Variants in RPRD1B observed in about 807,000 individuals in gnomAD.
RPRD1B encodes the protein regulation of nuclear pre-mRNA domain containing 1B.
In RPRD1B, 11 loss-of-function variants were observed where a neutral mutation model predicts 41.5. The observed-to-expected ratio is 0.27, with a 90% CI of 0.17 to 0.44. The LOEUF (loss-of-function observed/expected upper bound fraction) is 0.44, where lower values mean the gene tolerates loss of function less well. Among genes scored for constraint, RPRD1B ranks in the 20% least tolerant of loss-of-function variants. The pLI is 1.00. For missense variants in RPRD1B, 248 were observed against 389.9 expected (o/e 0.64, Z 3.06); for synonymous variants, 158 against 155.6 (o/e 1.02, Z -0.12).
Position 38,059,411 on chromosome 20 carries a change from A to C in RPRD1B, c.546A>C (p.Lys182Asn). The change falls in exon 5 of 7, where the codon AAA becomes AAC. Residue 182 changes from lysine (K) to asparagine (N), a missense_variant. Lys to Asn is a moderately conservative substitution (Grantham distance 94). Transcript: ENST00000373433. The part of the protein sequence containing the change: ...AGPLLTEELI[K>N]ALQDLENAAS... ...TCTTACAGACTGAGGAACTAATCAA[A>C]GCTTTGCAGGATCTGGAAAATGCCG... 1 of 1,613,320 alleles carries C rather than the reference A, an allele frequency of 6.2e-7. No individual in the cohort carries two copies.
chr20:38,041,773 A>T (rs1198777130), intron 2 of RPRD1B, among the ~76,000 whole-genome samples: 3 of 152,174 alleles, frequency 2.0e-5, no homozygotes, highest in Admixed American at 2.0e-4. Flanking sequence ...CTAAAGGGGG[A>T]GGATACCACT....
At chr20:38,040,251 T>C (rs1311432957) in intron 1 of RPRD1B, among the ~76,000 whole-genome samples, 184 bp from the exon 2 acceptor site, 2 of 151,990 alleles carry the variant, frequency 1.3e-5, no homozygotes, top group Admixed American at 1.3e-4. Context: ...CTTTTTCTTT[T>C]TTTTTTTTCC....
In RPRD1B at chr20:38,033,809, C is replaced by G. The variant is rs537945243; in HGVS notation, c.-139C>G. 9 of 825,784 alleles carry G rather than the reference C, an allele frequency of 1.1e-5. No homozygotes were observed. The highest frequency in any genetic ancestry group is 2.8e-5 in the East Asian group (1 of 35,112). 51.2% of individuals were successfully genotyped at this position (825,784 alleles called of 1,614,324 possible). Reference sequence around the variant, plus strand: ...TTACTGCGGAGACCCATCCCCTCCCCCTTCTCGCACCCCTGGCAGTCTGTC... The same window carrying G: ...TTACTGCGGAGACCCATCCCCTCCCGCTTCTCGCACCCCTGGCAGTCTGTC... On this transcript the variant is annotated 5_prime_UTR_variant, in exon 1 of 7. Coordinates refer to ENST00000373433, the MANE Select transcript of RPRD1B (RefSeq NM_021215.4).
chr20:38,048,156 C>T lies in RPRD1B; in HGVS notation c.282-192C>T, dbSNP rs558948391. ...TTTGATTTCAATTATGGCATGATCC[C>T]TCCCACTGCACGAAGAATGTAGTTT... On this transcript the variant is annotated intron_variant, in intron 2 of 6. Coordinates refer to ENST00000373433, the MANE Select transcript of RPRD1B (RefSeq NM_021215.4). Among the ~76,000 whole-genome samples the T allele has an allele frequency of 2.0e-5, 3 of 152,282 alleles. No homozygotes were observed. In the East Asian group the frequency reaches 5.8e-4, roughly 29 times the overall value.
intron 2 of RPRD1B, among the ~76,000 whole-genome samples, chr20:38,041,372 C>A (rs1185575083): frequency 6.6e-6 from 1 of 151,908 alleles, no homozygotes; most frequent in Non-Finnish European, 1.5e-5. Flanking sequence ...TAGTGAAAGG[C>A]CTTAAATGAG....
chr20:38,054,618 C>A (rs1469412358), intron 3 of RPRD1B, among the ~76,000 whole-genome samples: 1 of 152,142 alleles, frequency 6.6e-6, no homozygotes, highest in Non-Finnish European at 1.5e-5. Flanking sequence ...ATGGGTCTGT[C>A]TAAGTCCTCC....
chr20:38,065,975 ACT>A (rs2074350227), intron 5 of RPRD1B, 104 bp from the exon 6 acceptor site: 1 of 1,102,822 alleles, frequency 9.1e-7, no homozygotes, highest in Non-Finnish European at 1.3e-6. Flanking sequence ...TTATTCTCAG[ACT>A]CTGTATATTG....
intron 6 of RPRD1B, among the ~76,000 whole-genome samples, chr20:38,073,414 C>T (rs765453875): frequency 2.6e-5 from 4 of 152,162 alleles, no homozygotes; most frequent in Non-Finnish European, 4.4e-5. Flanking sequence ...GGAGTAGAGC[C>T]TCTGACTTCA....
chr20:38,059,927 C>G (rs2074281023), intron 5 of RPRD1B, among the ~76,000 whole-genome samples: 1 of 152,058 alleles, frequency 6.6e-6, no homozygotes, highest in Admixed American at 6.5e-5. Flanking sequence ...CTGACAAGCC[C>G]CGTAGATGAT....
chr20:38,055,195 AATAGTT>A (rs1249582765), intron 3 of RPRD1B, among the ~76,000 whole-genome samples: 3 of 152,238 alleles, frequency 2.0e-5, no homozygotes, highest in African/African-American at 7.2e-5. Context: ...ATAATAAACT[AATAGTT>A]ATTTAATATG....
At chr20:38,073,077 T>C (rs2074427251) in intron 6 of RPRD1B, among the ~76,000 whole-genome samples, 1 of 152,236 alleles carries the variant, frequency 6.6e-6, no homozygotes, top group Non-Finnish European at 1.5e-5. Flanking sequence ...ATTTGTACTT[T>C]TGTTTTGATT....
Position 38,066,179 on chromosome 20 carries a change from C to T in RPRD1B, c.754C>T (p.Arg252Cys), listed in dbSNP as rs746794689. 1.2e-6 allele frequency: 2 copies of T among 1,614,172 alleles called. No homozygotes were observed. Among genetic ancestry groups the T allele is most frequent in the Non-Finnish European group, 1.7e-6 (2 of 1,180,040 alleles). The change falls in exon 6 of 7, where the codon CGC becomes TGC. Residue 252 changes from arginine to cysteine, a missense_variant. By Grantham distance (180) the Arg-to-Cys change is radical. Transcript: ENST00000373433. Reference sequence around the variant, plus strand: ...CCTGGCAGCAGAACTGGAGGACCGTCGCCAGCTGGCTCGGATGTTGGTGGA... The same window carrying T: ...CCTGGCAGCAGAACTGGAGGACCGTTGCCAGCTGGCTCGGATGTTGGTGGA... ...GRLAAELEDRRQLARMLVEYT... is the reference protein window; with the variant it reads ...GRLAAELEDRCQLARMLVEYT...
chr20:38,042,814 G>A (rs1372523598), intron 2 of RPRD1B, among the ~76,000 whole-genome samples: 1 of 152,090 alleles, frequency 6.6e-6, no homozygotes, highest in African/African-American at 2.4e-5. Context: ...CTAAATTGAT[G>A]AGGGATATTT....
Position 38,079,549 on chromosome 20 carries a change from G to A in RPRD1B, c.832-10177G>A, listed in dbSNP as rs184706825. On this transcript the variant is annotated intron_variant, in intron 6 of 6. Coordinates refer to ENST00000373433, the MANE Select transcript of RPRD1B (RefSeq NM_021215.4). ...CCTCATCCATGTTGCTGCAGAGGACGTGATCTCATTCTTTTTTATGGCTGC... is the reference window on the plus strand; with the variant it reads ...CCTCATCCATGTTGCTGCAGAGGACATGATCTCATTCTTTTTTATGGCTGC... 1.4e-3 allele frequency among the ~76,000 whole-genome samples: 211 copies of A among 152,198 alleles called. 1 individual carries two copies. The highest frequency in any genetic ancestry group is 1.9e-3 in the Non-Finnish European group (130 of 67,992).
At chr20:38,058,657 C>T (rs1465362345) in intron 4 of RPRD1B, among the ~76,000 whole-genome samples, 1 of 152,064 alleles carries the variant, frequency 6.6e-6, no homozygotes, top group African/African-American at 2.4e-5. Flanking sequence ...TCCATTTTGT[C>T]AAGAAAACCC....
chr20:38,082,424 T>TC (rs968575339), intron 6 of RPRD1B, among the ~76,000 whole-genome samples: 2 of 152,130 alleles, frequency 1.3e-5, no homozygotes, highest in African/African-American at 4.8e-5. Flanking sequence ...TCTTGCTCCG[T>TC]CCCCCAGGCT....
At chr20:38,037,923 G>A (rs1390067192) in intron 1 of RPRD1B, among the ~76,000 whole-genome samples, 1 of 151,452 alleles carries the variant, frequency 6.6e-6, no homozygotes, top group African/African-American at 2.4e-5. Flanking sequence ...TTGCTTTGTT[G>A]AAGTTCTGTT....
chr20:38,049,742 G>A (rs1407059786), intron 3 of RPRD1B: 1 of 471,150 alleles, frequency 2.1e-6, no homozygotes, highest in South Asian at 1.5e-5. Flanking sequence ...TTTAATTCTA[G>A]TTGGCATGAC....
intron 2 of RPRD1B, among the ~76,000 whole-genome samples, chr20:38,048,027 G>T (rs773791945): frequency 1.3e-5 from 2 of 151,928 alleles, no homozygotes; most frequent in South Asian, 4.1e-4. Context: ...AGAATGTCTG[G>T]CATTTTAATT....
Sources: allele counts gnomAD v4.1 joint callset (sites outside exome capture counted in the v4.1 genomes callset), GRCh38; gene constraint gnomAD v4.1.1; transcripts MANE v1.5; gene names NCBI Gene and HGNC (gene_info 2026-07-23, HGNC 2026-07-21).